The following SYNE2 variants were observed in gnomAD, a reference collection of about 807,000 sequenced individuals.
SYNE2 encodes the protein nesprin-2.
SYNE2 carries 431 observed loss-of-function variants against 856.3 expected under a neutral mutation model. The ratio of observed to expected loss-of-function variants is 0.50; its 90% confidence interval spans 0.47 to 0.55. The LOEUF is 0.55. SYNE2 is among the 20% of genes least tolerant of loss of function. The pLI is 0.00. For synonymous variants in SYNE2, 2,923 were observed against 2,872.3 expected, an observed-to-expected ratio of 1.02 and a Z score of -0.56; for missense variants, 8,129 against 8,023.2, an observed-to-expected ratio of 1.01 and a Z score of -0.50.
chr14:64,080,470 G>T lies in SYNE2; in HGVS notation c.11178G>T (p.Glu3726Asp). 2.5e-6 allele frequency: 4 copies of T among 1,614,178 alleles called. No individual in the cohort carries two copies. The highest frequency in any genetic ancestry group is 2.2e-5 in the South Asian group (2 of 91,084). ...TCCTTCTCCAGAAAATGTGGGACGA[G>T]TTAGATCTATGGCATTCCAAACTAA... ...AQEIQKKMWD[E>D]LDLWHSKLNE... is the part of the protein sequence containing the mutation. The change falls in exon 56 of 116, where the codon GAG (glutamate) becomes GAT (aspartate). Residue 3726 changes from glutamate (E) to aspartate (D), a missense_variant. Physicochemically the swap from Glu to Asp is conservative, Grantham distance 45 (BLOSUM62 2). Transcript: ENST00000555002.
Position 64,052,607 on chromosome 14 carries a change from A to G in SYNE2, c.8694A>G (p.Leu2898=). Reference sequence around the variant, plus strand: ...GAATCTCAACACATCTTCAGGAGCTAACAAACATCTATGAGGAGCTGAATG... The same window carrying G: ...GAATCTCAACACATCTTCAGGAGCTGACAAACATCTATGAGGAGCTGAATG... ...DSGISTHLQE[L]TNIYEELNVF... Residue 2898 remains leucine (L), a synonymous_variant, in exon 48 of 116, where the codon CTA becomes CTG. Coordinates refer to ENST00000555002, the MANE Select transcript of SYNE2 (RefSeq NM_182914.3). 6.2e-7 allele frequency: 1 copy of G among 1,614,132 alleles called. No homozygotes were observed.
rs151256085 is a variant in SYNE2 at position 63,948,156 on chromosome 14, G to GACACACACACACAC, written c.409-1660_409-1659insCACACACACACACA. 1.8e-3 allele frequency among the ~76,000 whole-genome samples: 228 copies of GACACACACACACAC among 124,404 alleles called. 2 individuals are homozygous for GACACACACACACAC. Among genetic ancestry groups the GACACACACACACAC allele is most frequent in the African/African-American group, 6.2e-3 (217 of 34,810 alleles). 81.6% of individuals were successfully genotyped at this position (124,404 alleles called of 152,430 possible). On this transcript the variant is annotated intron_variant, in intron 6 of 115. Coordinates refer to ENST00000555002, the MANE Select transcript of SYNE2 (RefSeq NM_182914.3). ...GTGCGTGCGCGCACATACACACACA[G>GACACACACACACAC]ACACACACATACACACACACACACA...
intron 83 of SYNE2, 65 bp downstream of exon 83, chr14:64,144,013 CAAAA>C (rs2098161843): frequency 1.3e-6 from 2 of 1,584,734 alleles, no homozygotes; most frequent in South Asian, 2.2e-5. Flanking sequence ...TCTGAAAAAT[CAAAA>C]AAGACGTTCA....
Position 63,940,655 on chromosome 14 carries a change from A to C in SYNE2, c.121A>C (p.Ile41Leu). Residue 41 changes from isoleucine to leucine, a missense_variant, in exon 3 of 116, where the codon ATA (isoleucine) becomes CTA (leucine). Around this residue, in one of 3 missense-constraint regions of SYNE2, gnomAD observed 2,422 missense variants for 2,357.4 expected, o/e 1.03. Coordinates refer to ENST00000555002, the MANE Select transcript of SYNE2 (RefSeq NM_182914.3). The stretch of plus-strand genomic sequence containing the variant: ...CCAGAAGAAAGCCTTCACGTGCTGG[A>C]TAAACTCACAGTTGGCCAGGGTAAG... ...DTQKKAFTCW[I>L]NSQLARHTSP... 6.2e-7 allele frequency: 1 copy of C among 1,614,142 alleles called. No individual in the cohort carries two copies. Among genetic ancestry groups the C allele is most frequent in the Non-Finnish European group, 8.5e-7 (1 of 1,179,996 alleles).
intron 1 of SYNE2, among the ~76,000 whole-genome samples, chr14:63,773,594 G>A (rs1229206055): frequency 2.0e-5 from 3 of 152,022 alleles, no homozygotes; most frequent in Non-Finnish European, 4.4e-5. Flanking sequence ...TATGCTGCCC[G>A]TGCTAGAATA....
chr14:64,017,321 T>C (rs1594890411), intron 33 of SYNE2, among the ~76,000 whole-genome samples: 1 of 81,030 alleles, frequency 1.2e-5, no homozygotes, highest in Non-Finnish European at 2.1e-5. Context: ...AGAGCAAGAC[T>C]CCATCTCAAA....
chr14:63,926,828 T>A (rs1371441282), intron 2 of SYNE2, among the ~76,000 whole-genome samples: 3 of 152,224 alleles, frequency 2.0e-5, no homozygotes, highest in Non-Finnish European at 2.9e-5. Flanking sequence ...AAGTGCTAAA[T>A]AGTGGGGAAA....
At chr14:63,840,802 C>T (rs964106060) in intron 1 of SYNE2, among the ~76,000 whole-genome samples, 8 of 152,080 alleles carry the variant, frequency 5.3e-5, no homozygotes, top group Admixed American at 2.6e-4. Flanking sequence ...CCCCTGAGGT[C>T]GGGAGTTTGA....
intron 16 of SYNE2, among the ~76,000 whole-genome samples, chr14:63,981,490 A>T (rs2096585410): frequency 6.6e-6 from 1 of 152,190 alleles, no homozygotes; most frequent in Non-Finnish European, 1.5e-5. Flanking sequence ...TTGGAGAGGA[A>T]ATAAGACTTA....
At chr14:64,166,260 G>A (rs894471456) in intron 90 of SYNE2, among the ~76,000 whole-genome samples, 1 of 152,006 alleles carries the variant, frequency 6.6e-6, no homozygotes, top group Non-Finnish European at 1.5e-5. Flanking sequence ...TAGTTTTCAC[G>A]CTACAAGGGC....
chr14:63,833,279 GTA>G (rs1241833203), intron 1 of SYNE2, among the ~76,000 whole-genome samples: 2 of 152,140 alleles, frequency 1.3e-5, no homozygotes, highest in East Asian at 3.9e-4. Flanking sequence ...TCTTTCATTA[GTA>G]TTAAAATATT....
rs373572814 is a variant in SYNE2, at chr14:64,015,220, G to A, written c.4729-1253G>A. On this transcript the variant is annotated intron_variant, in intron 32 of 115. Transcript: ENST00000555002. Reference sequence around the variant, plus strand: ...AACTGGCTTTCATAAAATTAATTGGGAGTGTTTCTTTCTCTTCAGTTTTCC... The same window carrying A: ...AACTGGCTTTCATAAAATTAATTGGAAGTGTTTCTTTCTCTTCAGTTTTCC... Among the ~76,000 whole-genome samples, 5 of 151,392 alleles carry A rather than the reference G, an allele frequency of 3.3e-5. No individual in the cohort carries two copies. In the South Asian group the frequency reaches 1.0e-3, roughly 32 times the overall value.
intron 95 of SYNE2, among the ~76,000 whole-genome samples, chr14:64,175,775 G>A (rs1369772203): frequency 6.6e-6 from 1 of 151,924 alleles, no homozygotes; most frequent in Non-Finnish European, 1.5e-5. Flanking sequence ...CTAGTCTGTC[G>A]TGTGTGCCAA....
chr14:64,142,185 A>G, intron 82 of SYNE2, 97 bp downstream of exon 82: 1 of 1,431,552 alleles, frequency 7.0e-7, no homozygotes. Context: ...TATAATTTCA[A>G]AAAACTAATT....
intron 24 of SYNE2, 55 bp downstream of exon 24, chr14:63,997,213 G>C: frequency 6.3e-7 from 1 of 1,590,850 alleles, no homozygotes; most frequent in Non-Finnish European, 8.6e-7. Context: ...CCTTTTGCAC[G>C]ATCAAATGAC....
intron 1 of SYNE2, among the ~76,000 whole-genome samples, chr14:63,824,782 C>T (rs577301114): frequency 3.3e-5 from 5 of 152,112 alleles, no homozygotes; most frequent in Admixed American, 6.6e-5. Context: ...TCATGTAAGC[C>T]GTAAATATAC....
At chr14:64,205,161 G>A (rs990174675) in intron 100 of SYNE2, among the ~76,000 whole-genome samples, 14 of 152,096 alleles carry the variant, frequency 9.2e-5, no homozygotes, top group East Asian at 1.9e-4. Flanking sequence ...CTCCTTTGCC[G>A]TGTAATCTAA....
chr14:63,961,740 A>T (rs1053009775), intron 9 of SYNE2, 115 bp downstream of exon 9: 1 of 754,102 alleles, frequency 1.3e-6, no homozygotes, highest in African/African-American at 1.7e-5. Context: ...TTTAATGAGC[A>T]TACACCCCTG....
rs1245108178 is a variant in SYNE2 at position 64,058,908 on chromosome 14, A to G, written c.10067+2642A>G. 2.6e-5 allele frequency among the ~76,000 whole-genome samples: 4 copies of G among 152,018 alleles called. No homozygotes were observed. The East Asian group carries it at 7.7e-4, about 29-fold the overall frequency. On this transcript the variant is annotated intron_variant, in intron 49 of 115. Coordinates refer to ENST00000555002, the MANE Select transcript of SYNE2 (RefSeq NM_182914.3). ...TTTCAAATTGCTTGTCTTCAAGCTT[A>G]GTAATTCTTTCTTCTGCTTGATCAA...
Sources: allele counts gnomAD v4.1 joint callset (sites outside exome capture counted in the v4.1 genomes callset), GRCh38; gene constraint gnomAD v4.1.1; regional missense constraint gnomAD v4.1.1; transcripts MANE v1.5; gene names NCBI Gene and HGNC (gene_info 2026-07-23, HGNC 2026-07-21).